The following HDAC9 variants were observed in gnomAD, a reference collection of about 807,000 sequenced individuals.
HDAC9 encodes the protein histone deacetylase 9.
A neutral mutation model predicts 139.4 loss-of-function variants in HDAC9; 41 were observed. That is an observed-to-expected ratio of 0.29 (90% CI 0.23 to 0.38). The LOEUF is 0.38. Among genes scored for constraint, HDAC9 ranks in the 10% least tolerant of loss-of-function variants. The pLI, the probability that HDAC9 is intolerant of heterozygous loss-of-function variation, is 1.00. For synonymous variants in HDAC9, 517 were observed against 476.2 expected, an observed-to-expected ratio of 1.09 and a Z score of -1.12; for missense variants, 1,147 against 1,297.0, an observed-to-expected ratio of 0.88 and a Z score of 1.78.
chr7:18,830,990 G>A (rs894987304), intron 19 of HDAC9, among the ~76,000 whole-genome samples: 1 of 152,196 alleles, frequency 6.6e-6, no homozygotes, highest in African/African-American at 2.4e-5. Flanking sequence ...TCCTCTTTCT[G>A]TAAGTTCTAT....
intron 13 of HDAC9, among the ~76,000 whole-genome samples, chr7:18,737,898 C>G (rs1478168529): frequency 2.0e-5 from 3 of 152,236 alleles, no homozygotes; most frequent in African/African-American, 4.8e-5. Flanking sequence ...GAGTCTAAGT[C>G]TCTTTGTATG....
At chr7:18,625,539 A>G (rs576239188) in intron 6 of HDAC9, among the ~76,000 whole-genome samples, 1 of 152,284 alleles carries the variant, frequency 6.6e-6, no homozygotes, top group South Asian at 2.1e-4. Context: ...ATGACCAAAA[A>G]TGTGTCCAGA....
At chr7:18,287,697 T>C (rs1440813481), upstream of HDAC9, among the ~76,000 whole-genome samples, 2 of 152,224 alleles carry the variant, frequency 1.3e-5, no homozygotes, top group African/African-American at 2.4e-5. Flanking sequence ...CCTTCACATC[T>C]TGATGTGCCT....
chr7:18,933,129 C>T (rs1050716581), intron 22 of HDAC9, among the ~76,000 whole-genome samples: 8 of 152,112 alleles, frequency 5.3e-5, no homozygotes, highest in Admixed American at 3.3e-4. Flanking sequence ...TATCAAAATA[C>T]GATAGACTGA....
intron 2 of HDAC9, among the ~76,000 whole-genome samples, chr7:18,243,583 G>C (rs1233045067): frequency 1.3e-5 from 2 of 152,220 alleles, no homozygotes; most frequent in East Asian, 3.8e-4. Flanking sequence ...ATTCAGAAGT[G>C]TTTCCCTTAA....
intron 17 of HDAC9, among the ~76,000 whole-genome samples, chr7:18,802,754 T>G (rs1412570180): frequency 6.6e-6 from 1 of 151,672 alleles, no homozygotes; most frequent in Admixed American, 6.6e-5. Context: ...AATAATTATC[T>G]TAAGTAAATA....
chr7:18,427,405 T>A (rs1171855105), intron 1 of HDAC9, among the ~76,000 whole-genome samples: 1 of 148,742 alleles, frequency 6.7e-6, no homozygotes, highest in Admixed American at 6.6e-5. Flanking sequence ...TGCTTTTATT[T>A]CTTTATTTTT....
intron 16 of HDAC9, among the ~76,000 whole-genome samples, chr7:18,777,427 G>A (rs1790869830): frequency 6.6e-6 from 1 of 151,874 alleles, no homozygotes; most frequent in Non-Finnish European, 1.5e-5. Context: ...GGTCCATCCT[G>A]ATTTATATCT....
chr7:18,131,761 G>A (rs2078217056), intron 1 of HDAC9, among the ~76,000 whole-genome samples: 1 of 152,094 alleles, frequency 6.6e-6, no homozygotes, highest in Non-Finnish European at 1.5e-5. Context: ...CTAGCAAAGG[G>A]TTTTAGACGC....
chr7:18,126,395 C>G (rs141881659), intron 1 of HDAC9, among the ~76,000 whole-genome samples: 84 of 152,248 alleles, frequency 5.5e-4, no homozygotes, highest in African/African-American at 1.8e-3. Flanking sequence ...ACAGGCAAGA[C>G]TTGGATAGCT....
Position 18,954,214 on chromosome 7 carries a change from GATC to G in HDAC9, c.3009_3011del (p.Ile1004del). The G allele has an allele frequency of 6.5e-7, 1 of 1,531,684 alleles. No homozygotes were observed. The highest frequency in any genetic ancestry group is 8.9e-7 in the Non-Finnish European group (1 of 1,119,716). The allele number at this position is 1,531,684 out of a possible 1,614,324, so 94.9% of individuals were successfully genotyped here. On this transcript the variant is annotated inframe_deletion, in exon 24 of 26. Transcript: ENST00000686413. ...TGAATGCTGTTATTTCTTTACAGAA[GATC>G]ATTGAAATTCAAAGTATGTCTTTAA...
Position 18,569,052 on chromosome 7 carries a change from A to AAATG in HDAC9, c.23-16226_23-16225insGAAT, listed in dbSNP as rs142060232. Among the ~76,000 whole-genome samples, 629 of 151,864 alleles carry AAATG rather than the reference A, an allele frequency of 4.1e-3. 4 individuals are homozygous for AAATG. Among genetic ancestry groups the AAATG allele is most frequent in the African/African-American group, 0.015 (610 of 41,454 alleles). On this transcript the variant is annotated intron_variant, in intron 2 of 25. Transcript: ENST00000686413. ...ACAAGAGCAAAATTCTGTCTCAAAA[A>AAATG]AATAAATAAATAAATAAAATAAAAT...
intron 2 of HDAC9, among the ~76,000 whole-genome samples, chr7:18,179,283 A>G (rs542116216): frequency 1.1e-4 from 17 of 152,332 alleles, no homozygotes; most frequent in Non-Finnish European, 1.8e-4. Context: ...TCCACTAACA[A>G]TAATGCCATA....
intron 2 of HDAC9, among the ~76,000 whole-genome samples, chr7:18,508,629 TA>T (rs11298745): frequency 0.94 from 143,472 of 152,144 alleles, 67,699 homozygotes; most frequent in East Asian, 1. Flanking sequence ...CAATTGTGCT[TA>T]ACATTTCTTA....
intron 2 of HDAC9, among the ~76,000 whole-genome samples, chr7:18,576,696 C>G (rs1826055940): frequency 1.3e-5 from 2 of 150,534 alleles, no homozygotes; most frequent in African/African-American, 4.9e-5. Flanking sequence ...AAGATAATTT[C>G]TATCAATTAG....
chr7:18,961,600 A>G (rs1192685088), intron 24 of HDAC9, among the ~76,000 whole-genome samples: 2 of 152,190 alleles, frequency 1.3e-5, no homozygotes, highest in Non-Finnish European at 2.9e-5. Flanking sequence ...CATTGGATGA[A>G]ATTATTTACA....
At chr7:18,766,746 A>G (rs572958039) in intron 15 of HDAC9, among the ~76,000 whole-genome samples, 29 of 152,310 alleles carry the variant, frequency 1.9e-4, no homozygotes, top group African/African-American at 6.0e-4. Context: ...TACTCAGTGA[A>G]GAGCTGAATT....
intron 2 of HDAC9, among the ~76,000 whole-genome samples, chr7:18,214,960 T>C (rs371393934): frequency 6.6e-6 from 1 of 152,258 alleles, no homozygotes; most frequent in South Asian, 2.1e-4. Flanking sequence ...TATAAAATGG[T>C]ACTTCTTGAA....
chr7:18,551,537 G>A (rs558371231), intron 2 of HDAC9, among the ~76,000 whole-genome samples: 2 of 152,286 alleles, frequency 1.3e-5, no homozygotes, highest in East Asian at 1.9e-4. Context: ...CCCTGACAAT[G>A]TGTGTCCTCT....
Sources: allele counts gnomAD v4.1 joint callset (sites outside exome capture counted in the v4.1 genomes callset), GRCh38; gene constraint gnomAD v4.1.1; transcripts MANE v1.5; gene names NCBI Gene and HGNC (gene_info 2026-07-23, HGNC 2026-07-21).